TM9SF2: variants seen among roughly 807,000 people sequenced by gnomAD.
TM9SF2 encodes 76 kDa membrane protein.
TM9SF2 carries 13 observed loss-of-function variants against 84.9 expected under a neutral mutation model. That is an observed-to-expected ratio of 0.15 (90% CI 0.10 to 0.24). The LOEUF is 0.24. Among genes scored for constraint, TM9SF2 ranks in the 10% least tolerant of loss-of-function variants. The pLI, the probability that TM9SF2 is intolerant of heterozygous loss-of-function variation, is 1.00. For missense variants in TM9SF2, 562 were observed against 818.5 expected, an observed-to-expected ratio of 0.69 and a Z score of 3.82; for synonymous variants, 273 against 285.8, an observed-to-expected ratio of 0.96 and a Z score of 0.45.
intron 1 of TM9SF2, among the ~76,000 whole-genome samples, chr13:99,512,432 C>G (rs1376925093): frequency 1.3e-5 from 2 of 152,054 alleles, no homozygotes; most frequent in Admixed American, 1.3e-4. Context: ...TTCATCAGAT[C>G]AGGAAGGGTT....
chr13:99,544,894 G>A (rs2046276528), intron 10 of TM9SF2, among the ~76,000 whole-genome samples: 1 of 151,758 alleles, frequency 6.6e-6, no homozygotes. Context: ...TTAAATAAAT[G>A]TTCCTTAGAG....
chr13:99,556,302 C>G (rs1464792802), intron 15 of TM9SF2, among the ~76,000 whole-genome samples: 1 of 152,178 alleles, frequency 6.6e-6, no homozygotes, highest in Non-Finnish European at 1.5e-5. Context: ...GCACTTACTG[C>G]ATTTACAGTG....
At position 99,529,566 on chromosome 13, in the gene TM9SF2, A is replaced by G. The variant is rs2046198944; in HGVS notation, c.433A>G (p.Ser145Gly). 1.3e-6 allele frequency: 2 copies of G among 1,586,876 alleles called. No individual in the cohort carries two copies. Among genetic ancestry groups the G allele is most frequent in the Non-Finnish European group, 8.5e-7 (1 of 1,170,766 alleles). ...ACAAAAGTTAGAATTCTTGAAAAAA[A>G]GCATGTTATTGAATTATCAACATCA... ...DKQKLEFLKK[S>G]MLLNYQHHWI... Residue 145 changes from serine to glycine, a missense_variant, in exon 4 of 17, where the codon AGC (serine) becomes GGC (glycine). Physicochemically the swap from Ser to Gly is moderately conservative, Grantham distance 56. Around this residue, in one of 4 missense-constraint regions of TM9SF2, gnomAD observed 267 missense variants for 316.7 expected, o/e 0.84. Transcript: ENST00000376387.
At chr13:99,545,814 C>G (rs374074521) in intron 10 of TM9SF2, among the ~76,000 whole-genome samples, 10 of 152,114 alleles carry the variant, frequency 6.6e-5, no homozygotes, top group African/African-American at 4.8e-5. Context: ...ATCCGCCCGC[C>G]TCGGCCTCCC....
intron 15 of TM9SF2, 33 bp from the exon 16 acceptor site, chr13:99,559,330 T>C: frequency 6.5e-7 from 1 of 1,533,900 alleles, no homozygotes; most frequent in Non-Finnish European, 8.8e-7. Context: ...TTAATTGGAA[T>C]GTAATTCTTG....
At chr13:99,507,541 G>A (rs2046093831) in intron 1 of TM9SF2, among the ~76,000 whole-genome samples, 1 of 152,044 alleles carries the variant, frequency 6.6e-6, no homozygotes, top group African/African-American at 2.4e-5. Context: ...TCAGGGCTTT[G>A]GGGAAAGAAC....
At chr13:99,556,377 C>T (rs946786257) in intron 15 of TM9SF2, among the ~76,000 whole-genome samples, 2 of 152,200 alleles carry the variant, frequency 1.3e-5, no homozygotes, top group Non-Finnish European at 2.9e-5. Context: ...AAGCCCTATA[C>T]TTGCTGAGCA....
intron 4 of TM9SF2, among the ~76,000 whole-genome samples, chr13:99,531,371 T>C (rs1190077870): frequency 2.0e-5 from 3 of 152,172 alleles, no homozygotes; most frequent in African/African-American, 4.8e-5. Context: ...GTCCTGTCAG[T>C]ATATTAGATC....
chr13:99,540,066 G>GA (rs1432528380), intron 7 of TM9SF2, among the ~76,000 whole-genome samples: 1 of 152,062 alleles, frequency 6.6e-6, no homozygotes, highest in African/African-American at 2.4e-5. Flanking sequence ...ATTTAATTAT[G>GA]AACTTTAAAT....
At chr13:99,502,970 T>C (rs2046073076) in intron 1 of TM9SF2, among the ~76,000 whole-genome samples, 1 of 152,246 alleles carries the variant, frequency 6.6e-6, no homozygotes, top group Admixed American at 6.5e-5. Flanking sequence ...TTTATACATC[T>C]GTGCAAAACC....
intron 6 of TM9SF2, among the ~76,000 whole-genome samples, chr13:99,538,730 TAGTG>T (rs1594055904): frequency 6.6e-6 from 1 of 151,048 alleles, no homozygotes; most frequent in African/African-American, 2.4e-5. Context: ...CTGGGCAACA[TAGTG>T]AGACCCTGTC....
intron 3 of TM9SF2, among the ~76,000 whole-genome samples, chr13:99,526,383 G>C (rs1425083327): frequency 6.6e-6 from 1 of 152,206 alleles, no homozygotes; most frequent in African/African-American, 2.4e-5. Context: ...AGGATGTGAG[G>C]ACATCTTTGG....
At chr13:99,537,314 CAGTT>C (rs956257701) in intron 5 of TM9SF2, among the ~76,000 whole-genome samples, 1 of 152,076 alleles carries the variant, frequency 6.6e-6, no homozygotes, top group Non-Finnish European at 1.5e-5. Context: ...CTGATTATAT[CAGTT>C]AGTGCTTTTG....
chr13:99,561,036 C>G (rs2046342986), intron 16 of TM9SF2, among the ~76,000 whole-genome samples: 4 of 152,200 alleles, frequency 2.6e-5, no homozygotes, highest in African/African-American at 9.7e-5. Context: ...ATTTTGTAAT[C>G]TGAATTATGG....
At chr13:99,562,556 G>A in intron 16 of TM9SF2, 135 bp from the exon 17 acceptor site, 1 of 696,850 alleles carries the variant, frequency 1.4e-6, no homozygotes, top group Non-Finnish European at 2.4e-6. Flanking sequence ...TCATAGATCT[G>A]TAGTATATTC....
chr13:99,523,146 C>G (rs964802533), intron 3 of TM9SF2, among the ~76,000 whole-genome samples: 2 of 152,126 alleles, frequency 1.3e-5, no homozygotes, highest in African/African-American at 4.8e-5. Flanking sequence ...TCTTTATTTT[C>G]AAGGATTTTT....
Position 99,512,660 on chromosome 13 carries a change from T to G in TM9SF2, c.172-4954T>G, listed in dbSNP as rs938094050. On this transcript the variant is annotated intron_variant, in intron 1 of 16. Transcript: ENST00000376387. ...TTAACATGGTTTCTGGAAAAGAAGT[T>G]TTCCTGGTCTCTAGAGTTACTGGAA... 2.0e-5 allele frequency among the ~76,000 whole-genome samples: 3 copies of G among 152,360 alleles called. No homozygotes were observed. In the South Asian group the frequency reaches 6.2e-4, roughly 32 times the overall value.
intron 13 of TM9SF2, among the ~76,000 whole-genome samples, chr13:99,553,544 A>G (rs1408544399): frequency 6.6e-6 from 1 of 152,256 alleles, no homozygotes; most frequent in African/African-American, 2.4e-5. Context: ...CTCTGCCTGT[A>G]TACTCATGCA....
At chr13:99,550,276 C>T (rs1038835311) in intron 12 of TM9SF2, among the ~76,000 whole-genome samples, 2 of 152,024 alleles carry the variant, frequency 1.3e-5, no homozygotes, top group Non-Finnish European at 2.9e-5. Flanking sequence ...CAACAAAATG[C>T]CTTGAAAAAA....
Sources: gnomAD v4.1 joint callset for allele counts (sites outside exome capture counted in the v4.1 genomes callset) on GRCh38, gnomAD v4.1.1 for gene constraint, gnomAD v4.1.1 regional missense constraint, MANE v1.5 for transcripts, NCBI Gene and HGNC (gene_info 2026-07-23, HGNC 2026-07-21) for gene names.